FAM114A1: variants seen among roughly 807,000 people sequenced by gnomAD.
FAM114A1 encodes family with sequence similarity 114 member A1.
Under a neutral mutation model 64.3 loss-of-function variants are expected in FAM114A1, and 62 were observed. The observed-to-expected ratio is 0.96, with a 90% CI of 0.79 to 1.19. The LOEUF (loss-of-function observed/expected upper bound fraction) is 1.19, where lower values mean the gene tolerates loss of function less well. FAM114A1 is among the 50% of genes most tolerant of loss of function. The pLI is 0.00. For missense variants in FAM114A1, 645 were observed against 676.3 expected (o/e 0.95, Z 0.51); for synonymous variants, 254 against 251.1 (o/e 1.01, Z -0.11).
chr4:38,905,415 A>G (rs1260321554), intron 4 of FAM114A1, 107 bp from the exon 5 acceptor site: 2 of 805,792 alleles, frequency 2.5e-6, no homozygotes, highest in African/African-American at 1.7e-5. Flanking sequence ...AAAAAAAAAA[A>G]GAAAGATGTA....
intron 4 of FAM114A1, among the ~76,000 whole-genome samples, chr4:38,896,395 A>G (rs1397951889): frequency 6.6e-6 from 1 of 152,232 alleles, no homozygotes; most frequent in Non-Finnish European, 1.5e-5. Flanking sequence ...AACAAAAGCA[A>G]TGTATATTTC....
chr4:38,878,156 A>G lies in FAM114A1; in HGVS notation c.78A>G (p.Leu26=). 1 of 1,614,230 alleles carries G rather than the reference A, an allele frequency of 6.2e-7. No homozygotes were observed. Among genetic ancestry groups the G allele is most frequent in the South Asian group, 1.1e-5 (1 of 91,090 alleles). ...CTGAGATGCCTAATAGTGATTCTTT[A>G]CCTGAGGATGCAGAAGTGCATTGTG... ...EVTEMPNSDS[L]PEDAEVHCDS... The change falls in exon 3 of 15, where the codon TTA becomes TTG. Residue 26 remains leucine, a synonymous_variant. Transcript: ENST00000358869.
intron 7 of FAM114A1, among the ~76,000 whole-genome samples, chr4:38,911,854 CTTTT>C (rs1560313013): frequency 1.1e-5 from 1 of 94,436 alleles, no homozygotes; most frequent in East Asian, 3.1e-4. Flanking sequence ...CTTTTTTTTT[CTTTT>C]TTCTTTTTTT....
At chr4:38,906,137 G>A (rs183156373) in intron 6 of FAM114A1, among the ~76,000 whole-genome samples, 75 of 152,236 alleles carry the variant, frequency 4.9e-4, no homozygotes, top group Admixed American at 2.2e-3. Context: ...TTCCAGCTGC[G>A]GCAAGGACAG....
chr4:38,869,274 G>A (rs1009951515), intron 2 of FAM114A1, among the ~76,000 whole-genome samples: 4 of 152,182 alleles, frequency 2.6e-5, no homozygotes, highest in African/African-American at 9.7e-5. Flanking sequence ...TGGAAGCAGT[G>A]GGGCAGATTA....
intron 3 of FAM114A1, among the ~76,000 whole-genome samples, chr4:38,882,517 T>C (rs1393640278): frequency 6.6e-6 from 1 of 151,644 alleles, no homozygotes; most frequent in Non-Finnish European, 1.5e-5. Context: ...TAATCCCAGC[T>C]ACTCGAGAGG....
At chr4:38,869,245 G>A (rs1201075502) in intron 2 of FAM114A1, among the ~76,000 whole-genome samples, 2 of 152,204 alleles carry the variant, frequency 1.3e-5, no homozygotes, top group Non-Finnish European at 2.9e-5. Flanking sequence ...AAACATAGAA[G>A]AGGTAGCAGT....
At chr4:38,909,420 C>T (rs920627446) in intron 7 of FAM114A1, among the ~76,000 whole-genome samples, 2 of 152,172 alleles carry the variant, frequency 1.3e-5, no homozygotes, top group African/African-American at 4.8e-5. Flanking sequence ...TTGATATGTG[C>T]AAGGATGGTC....
At chr4:38,911,121 T>C (rs544871517) in intron 7 of FAM114A1, among the ~76,000 whole-genome samples, 1 of 152,086 alleles carries the variant, frequency 6.6e-6, no homozygotes, top group African/African-American at 2.4e-5. Flanking sequence ...AGGATTTCAT[T>C]AGGGGAAGTG....
chr4:38,868,995 G>A (rs1001421811), intron 2 of FAM114A1, among the ~76,000 whole-genome samples: 1 of 152,162 alleles, frequency 6.6e-6, no homozygotes, highest in Admixed American at 6.5e-5. Context: ...GGGTTGGAGG[G>A]GGCTTTCTTG....
intron 11 of FAM114A1, among the ~76,000 whole-genome samples, chr4:38,932,031 C>T (rs994059827): frequency 2.0e-5 from 3 of 152,234 alleles, no homozygotes; most frequent in Non-Finnish European, 4.4e-5. Context: ...TGTGAACAGA[C>T]CTGCCACATC....
At chr4:38,870,949 A>G (rs1012411967) in intron 2 of FAM114A1, among the ~76,000 whole-genome samples, 3 of 152,190 alleles carry the variant, frequency 2.0e-5, no homozygotes, top group African/African-American at 7.2e-5. Flanking sequence ...CAGAACAACC[A>G]AACAAAAAAT....
chr4:38,877,818 G>A (rs1218163480), intron 2 of FAM114A1, among the ~76,000 whole-genome samples: 1 of 152,118 alleles, frequency 6.6e-6, no homozygotes, highest in Admixed American at 6.5e-5. Flanking sequence ...CACAAAATAA[G>A]CCAGGCGTCG....
chr4:38,908,797 G>A (rs1718270948), intron 7 of FAM114A1, 71 bp downstream of exon 7: 1 of 1,380,862 alleles, frequency 7.2e-7, no homozygotes, highest in Non-Finnish European at 9.7e-7. Context: ...TTATCTTTTT[G>A]AATAGCTCAT....
intron 3 of FAM114A1, among the ~76,000 whole-genome samples, chr4:38,887,969 T>A (rs1715977333): frequency 6.6e-6 from 1 of 152,196 alleles, no homozygotes; most frequent in African/African-American, 2.4e-5. Flanking sequence ...CATCCCTGGA[T>A]ACAAGTTATA....
chr4:38,942,480 C>T (rs2011590), intron 14 of FAM114A1, among the ~76,000 whole-genome samples: 59,949 of 151,942 alleles, frequency 0.39, 12,876 homozygotes, highest in Non-Finnish European at 0.48. Flanking sequence ...TCTCCCCTGG[C>T]CACCCAGAAG....
At chr4:38,911,430 G>T in intron 7 of FAM114A1, among the ~76,000 whole-genome samples, 1 of 152,254 alleles carries the variant, frequency 6.6e-6, no homozygotes, top group East Asian at 1.9e-4. Flanking sequence ...CAGCATTTAT[G>T]CTCCCAGGAG....
In FAM114A1 at chr4:38,908,581, C is replaced by G. The variant is rs1226232943; in HGVS notation, c.658-11C>G. ...TAAACATCTAATCTCATGCAGTTAT[C>G]TCATCTGCAGGGTAAAAGTGTCTTA... On this transcript the variant is annotated splice_polypyrimidine_tract_variant and intron_variant, in intron 6 of 14. Coordinates refer to ENST00000358869, the MANE Select transcript of FAM114A1 (RefSeq NM_138389.4). The G allele has an allele frequency of 6.3e-7, 1 of 1,594,224 alleles. No individual in the cohort carries two copies. The highest frequency in any genetic ancestry group is 1.1e-5 in the South Asian group (1 of 89,276).
rs1721784127 is a variant in FAM114A1, at chr4:38,944,068, C to CATTT, written c.*511_*512insATTT. 1 of 122,178 alleles carries CATTT rather than the reference C, an allele frequency of 8.2e-6. No homozygotes were observed. 7.6% of individuals were successfully genotyped at this position (122,178 alleles called of 1,614,324 possible). A position where few individuals can be genotyped will look rare whatever the true frequency, so the allele number is the denominator to read the frequency against. ...TAAAAAATAGGAACATATTGTCATT[C>CATTT]TTTTTTTTTTTTTTTTTTTGAGACA... On this transcript the variant is annotated 3_prime_UTR_variant, in exon 15 of 15. Transcript: ENST00000358869.
Sources: gnomAD v4.1 joint callset for allele counts (sites outside exome capture counted in the v4.1 genomes callset) on GRCh38, gnomAD v4.1.1 for gene constraint, MANE v1.5 for transcripts, NCBI Gene and HGNC (gene_info 2026-07-23, HGNC 2026-07-21) for gene names.